Variants in NPIPB2 observed in about 807,000 individuals in gnomAD.
NPIPB2 encodes the protein nuclear pore complex interacting protein family member B2.
Under a neutral mutation model 30.8 loss-of-function variants are expected in NPIPB2, and 27 were observed. The ratio of observed to expected loss-of-function variants is 0.88; its 90% CI spans 0.65 to 1.21. The LOEUF is 1.21. NPIPB2 is among the 50% of genes most tolerant of loss of function. The pLI, the probability that NPIPB2 is intolerant of heterozygous loss-of-function variation, is 0.00. For missense variants in NPIPB2, 440 were observed against 446.2 expected, an observed-to-expected ratio of 0.99 and a Z score of 0.13; for synonymous variants, 147 against 162.0, an observed-to-expected ratio of 0.91 and a Z score of 0.70.
intron 4 of NPIPB2, among the ~76,000 whole-genome samples, chr16:11,933,039 T>A (rs2054812056): frequency 6.6e-6 from 1 of 150,682 alleles, no homozygotes; most frequent in East Asian, 2.0e-4. Flanking sequence ...GGCAGGTGGA[T>A]TACCTGAGGT....
intron 1 of NPIPB2, among the ~76,000 whole-genome samples, chr16:11,971,585 C>T (rs530343512): frequency 1.4e-4 from 22 of 152,166 alleles, no homozygotes; most frequent in African/African-American, 5.3e-4. Context: ...ACCTCTGCTT[C>T]CCAGGTTCAA....
intron 1 of NPIPB2, among the ~76,000 whole-genome samples, chr16:11,952,888 A>G (rs937366673): frequency 2.0e-5 from 3 of 151,958 alleles, no homozygotes; most frequent in South Asian, 4.1e-4. Context: ...TTTCTTTGTT[A>G]GAACATAAAA....
At chr16:11,956,345 C>G (rs1256419311) in intron 1 of NPIPB2, 1 of 152,240 alleles carries the variant, frequency 6.6e-6, no homozygotes, top group African/African-American at 2.4e-5. Context: ...AAAATGAACA[C>G]TCTCTGGAGT....
rs148359881 is a variant in NPIPB2 at position 11,969,623 on chromosome 16, C to G, written c.-584+6945G>C. ...CAAACAGGAGAAGCCTAGAATCAAC[C>G]AGACGAATTCAGTGTGCAGTGCACA... On this transcript the variant is annotated intron_variant, in intron 1 of 5. Transcript: ENST00000538896. Among the ~76,000 whole-genome samples the G allele has an allele frequency of 7.2e-5, 11 of 152,292 alleles. No homozygotes were observed. In the East Asian group the frequency reaches 1.2e-3, roughly 16 times the overall value.
At chr16:11,967,569 G>A in intron 1 of NPIPB2, 13 of 1,609,096 alleles carry the variant, frequency 8.1e-6, no homozygotes, top group Non-Finnish European at 1.1e-5. Context: ...TACATAATTA[G>A]GATCAGGTCT....
chr16:11,956,347 C>T (rs938475400), intron 1 of NPIPB2: 2 of 152,246 alleles, frequency 1.3e-5, no homozygotes, highest in South Asian at 2.1e-4. Flanking sequence ...AATGAACACT[C>T]TCTGGAGTCC....
chr16:11,950,621 T>A (rs1300181623), intron 1 of NPIPB2, among the ~76,000 whole-genome samples: 2 of 152,142 alleles, frequency 1.3e-5, no homozygotes, highest in Non-Finnish European at 2.9e-5. Flanking sequence ...CTTTGCACTC[T>A]GCCCACACAT....
At chr16:11,958,385 G>A (rs2055130736) in intron 1 of NPIPB2, among the ~76,000 whole-genome samples, 3 of 150,810 alleles carry the variant, frequency 2.0e-5, no homozygotes, top group Middle Eastern at 6.8e-3. Flanking sequence ...CCCAGATCAC[G>A]CCACTACAGT....
chr16:11,972,748 C>G (rs940323811), intron 1 of NPIPB2, among the ~76,000 whole-genome samples: 99 of 151,798 alleles, frequency 6.5e-4, no homozygotes, highest in African/African-American at 2.3e-3. Flanking sequence ...CCTGTAATCC[C>G]AGCTACTTGG....
intron 1 of NPIPB2, among the ~76,000 whole-genome samples, chr16:11,962,020 T>A (rs890387243): frequency 2.0e-5 from 3 of 151,324 alleles, no homozygotes; most frequent in Non-Finnish European, 4.4e-5. Flanking sequence ...GGCAACATGA[T>A]GAAATCTCAT....
At chr16:11,967,605 G>A (rs757322532) in intron 1 of NPIPB2, 7 of 1,613,864 alleles carry the variant, frequency 4.3e-6, no homozygotes, top group Non-Finnish European at 5.9e-6. Context: ...CATTGACCTG[G>A]AAAAGAGCAG....
At chr16:11,953,254 T>A (rs2055083525) in intron 1 of NPIPB2, among the ~76,000 whole-genome samples, 1 of 152,134 alleles carries the variant, frequency 6.6e-6, no homozygotes, top group Non-Finnish European at 1.5e-5. Flanking sequence ...CAAGTGATTC[T>A]CCTGCCTCAG....
At chr16:11,943,656 C>A (rs549302504), upstream of NPIPB2, among the ~76,000 whole-genome samples, 2 of 150,824 alleles carry the variant, frequency 1.3e-5, no homozygotes, top group African/African-American at 2.4e-5. Flanking sequence ...GAGCTGAGAT[C>A]GCGCCATTGT....
chr16:11,956,889 G>T (rs948399151), intron 1 of NPIPB2, among the ~76,000 whole-genome samples: 4 of 152,224 alleles, frequency 2.6e-5, no homozygotes, highest in Non-Finnish European at 5.9e-5. Context: ...GTACCCTGCT[G>T]ACCAGGCCCC....
chr16:11,935,333 T>C (rs2054850576), intron 2 of NPIPB2, among the ~76,000 whole-genome samples: 1 of 152,220 alleles, frequency 6.6e-6, no homozygotes. Flanking sequence ...ACTTTTTTCT[T>C]GAGACGGAGT....
chr16:11,935,522 C>T (rs2054853792), intron 2 of NPIPB2, among the ~76,000 whole-genome samples: 1 of 152,116 alleles, frequency 6.6e-6, no homozygotes, highest in Admixed American at 6.6e-5. Context: ...CCATGTTGGC[C>T]CATCTGGTCT....
rs371163866 is a variant in NPIPB2 at position 11,967,816 on chromosome 16, C to T, written c.-584+8752G>A. ...AGCCTGCCAGCTGCTTTGAGTGCTA[C>T]GGAGATAGAGAAATCAATTTCTGCT... On this transcript the variant is annotated intron_variant, in intron 1 of 5. Transcript: ENST00000538896. The T allele has an allele frequency of 1.1e-5, 17 of 1,614,090 alleles. No individual in the cohort carries two copies. The highest frequency in any genetic ancestry group is 5.3e-5 in the African/African-American group (4 of 75,024).
At chr16:11,948,601 C>T (rs1192016218) in intron 1 of NPIPB2, among the ~76,000 whole-genome samples, 7 of 151,332 alleles carry the variant, frequency 4.6e-5, no homozygotes, top group African/African-American at 9.7e-5. Flanking sequence ...CCCGTCTCTA[C>T]TAAAAATACA....
intron 1 of NPIPB2, chr16:11,965,073 C>T: frequency 1.9e-6 from 1 of 522,970 alleles, no homozygotes; most frequent in Non-Finnish European, 3.4e-6. Context: ...ATGTGATATG[C>T]CCTGATATTT....
Sources: gnomAD v4.1 joint callset for allele counts (sites outside exome capture counted in the v4.1 genomes callset) on GRCh38, gnomAD v4.1.1 for gene constraint, MANE v1.5 for transcripts, NCBI Gene and HGNC (gene_info 2026-07-23, HGNC 2026-07-21) for gene names.